The following TBC1D5 variants were observed in gnomAD, a reference collection of about 807,000 sequenced individuals.
TBC1D5 encodes TBC1 domain family member 5.
A neutral mutation model predicts 100.3 loss-of-function variants in TBC1D5; 75 were observed. That is an observed-to-expected ratio of 0.75 (90% confidence interval 0.62 to 0.91). The LOEUF is 0.91. Among genes scored for constraint, TBC1D5 ranks in the 40% least tolerant of loss-of-function variants. The probability of loss-of-function intolerance (pLI) is 0.00; values close to 1 mark genes in which losing one functional copy is unlikely to be tolerated. For synonymous variants in TBC1D5, 323 were observed against 325.6 expected (o/e 0.99, Z 0.09); for missense variants, 910 against 942.4 (o/e 0.97, Z 0.45).
chr3:17,698,800 T>C (rs1384803068), intron 1 of TBC1D5, among the ~76,000 whole-genome samples: 6 of 147,602 alleles, frequency 4.1e-5, no homozygotes, highest in Non-Finnish European at 8.9e-5. Flanking sequence ...AAAATGCTCA[T>C]CATCACTGGC....
At chr3:17,285,418 G>A (rs1307129044) in intron 15 of TBC1D5, among the ~76,000 whole-genome samples, 3 of 150,826 alleles carry the variant, frequency 2.0e-5, no homozygotes, top group African/African-American at 2.4e-5. Flanking sequence ...CCGCTACCAC[G>A]CCCGGCTAAT....
At chr3:17,272,069 T>C (rs1017159669) in intron 15 of TBC1D5, among the ~76,000 whole-genome samples, 5 of 145,120 alleles carry the variant, frequency 3.4e-5, no homozygotes, top group African/African-American at 1.3e-4. Context: ...TTTACAACAT[T>C]TGTGTTGTTG....
At chr3:17,419,851 A>T (rs956928485) in intron 4 of TBC1D5, among the ~76,000 whole-genome samples, 15 of 151,790 alleles carry the variant, frequency 9.9e-5, no homozygotes, top group African/African-American at 2.4e-4. Flanking sequence ...AATTTTTTTA[A>T]AAATATTTAT....
At chr3:17,253,851 G>A (rs1285271308) in intron 16 of TBC1D5, among the ~76,000 whole-genome samples, 3 of 152,200 alleles carry the variant, frequency 2.0e-5, no homozygotes, top group South Asian at 2.1e-4. Flanking sequence ...TGAACTACAC[G>A]GGTGCACTTA....
chr3:17,296,318 T>C (rs1368545002), intron 14 of TBC1D5, among the ~76,000 whole-genome samples: 2 of 152,232 alleles, frequency 1.3e-5, no homozygotes, highest in Non-Finnish European at 2.9e-5. Flanking sequence ...TGAAAGTGCC[T>C]TGCCAGACAC....
At chr3:17,178,068 T>TTTA (rs2125365794) in intron 19 of TBC1D5, among the ~76,000 whole-genome samples, 1 of 146,200 alleles carries the variant, frequency 6.8e-6, no homozygotes, top group Non-Finnish European at 1.5e-5. Context: ...TAGTGCTCCT[T>TTTA]TTTTTTTTTT....
intron 3 of TBC1D5, among the ~76,000 whole-genome samples, chr3:17,451,497 A>G (rs1052621504): frequency 6.6e-6 from 1 of 152,182 alleles, no homozygotes; most frequent in Non-Finnish European, 1.5e-5. Flanking sequence ...AAAAGTCAGG[A>G]AACAACAGAT....
chr3:17,381,081 A>T (rs909114044), intron 9 of TBC1D5, among the ~76,000 whole-genome samples: 1 of 152,116 alleles, frequency 6.6e-6, no homozygotes, highest in African/African-American at 2.4e-5. Context: ...GGGAGTAATT[A>T]AATATTTTAA....
chr3:17,394,737 T>C (rs1205524448), intron 8 of TBC1D5, among the ~76,000 whole-genome samples: 2 of 152,084 alleles, frequency 1.3e-5, no homozygotes, highest in African/African-American at 4.8e-5. Flanking sequence ...ATTTGCTGAA[T>C]GGACAAATAT....
At chr3:17,450,549 T>C (rs1056452757) in intron 3 of TBC1D5, among the ~76,000 whole-genome samples, 13 of 152,208 alleles carry the variant, frequency 8.5e-5, no homozygotes, top group Non-Finnish European at 1.6e-4. Context: ...AATGACCCGA[T>C]AGAGCTAAAA....
At chr3:17,603,415 T>C (rs1377012679) in intron 2 of TBC1D5, among the ~76,000 whole-genome samples, 1 of 152,164 alleles carries the variant, frequency 6.6e-6, no homozygotes, top group South Asian at 2.1e-4. Context: ...CTTAAGGTTC[T>C]TATACATTAG....
intron 2 of TBC1D5, among the ~76,000 whole-genome samples, chr3:17,542,340 A>G (rs928794498): frequency 3.9e-5 from 6 of 152,208 alleles, no homozygotes; most frequent in African/African-American, 1.4e-4. Context: ...TTAGAATAAG[A>G]TATGTGAATG....
At chr3:17,430,910 T>C (rs1196931945) in intron 3 of TBC1D5, among the ~76,000 whole-genome samples, 1 of 151,812 alleles carries the variant, frequency 6.6e-6, no homozygotes, top group Non-Finnish European at 1.5e-5. Flanking sequence ...TACCAGTAAC[T>C]AGGAGAAATC....
At chr3:17,580,809 A>T (rs1245086716) in intron 2 of TBC1D5, among the ~76,000 whole-genome samples, 2 of 152,118 alleles carry the variant, frequency 1.3e-5, no homozygotes, top group Admixed American at 6.5e-5. Context: ...TGAAAGACCA[A>T]TGAGTTTTCC....
intron 18 of TBC1D5, among the ~76,000 whole-genome samples, chr3:17,202,873 T>C (rs966551661): frequency 1.3e-5 from 2 of 152,176 alleles, no homozygotes; most frequent in African/African-American, 4.8e-5. Context: ...AAGTTGGCTA[T>C]AGGGCTGAGC....
intron 1 of TBC1D5, among the ~76,000 whole-genome samples, chr3:17,649,332 G>A (rs2065311842): frequency 6.6e-6 from 1 of 152,106 alleles, no homozygotes; most frequent in African/African-American, 2.4e-5. Flanking sequence ...GGTGGAGGCT[G>A]AGATGAGGGA....
At chr3:17,180,401 A>C (rs952193397) in intron 19 of TBC1D5, among the ~76,000 whole-genome samples, 2 of 152,188 alleles carry the variant, frequency 1.3e-5, no homozygotes, top group Admixed American at 6.5e-5. Context: ...TTTTCTCTAC[A>C]TTTGTTCTGC....
chr3:17,281,444 T>C (rs1031291953), intron 15 of TBC1D5, among the ~76,000 whole-genome samples: 1 of 152,220 alleles, frequency 6.6e-6, no homozygotes, highest in Non-Finnish European at 1.5e-5. Context: ...AAAAACCTCC[T>C]TCATAGTGCC....
rs186664817 is a variant in TBC1D5 at position 17,497,962 on chromosome 3, C to T, written c.97+10512G>A. Among the ~76,000 whole-genome samples, 466 of 151,928 alleles carry T rather than the reference C, an allele frequency of 3.1e-3. 4 individuals carry two copies. The highest frequency in any genetic ancestry group is 0.011 in the African/African-American group (440 of 41,464). On this transcript the variant is annotated intron_variant, in intron 3 of 21. Transcript: ENST00000253692. Reference sequence around the variant, plus strand: ...ATAGTCACTGTAATTTATAGGAATACAAAAATTATCAAGTGGTAGAATATC... The same window carrying T: ...ATAGTCACTGTAATTTATAGGAATATAAAAATTATCAAGTGGTAGAATATC...
Sources: allele counts gnomAD v4.1 joint callset (sites outside exome capture counted in the v4.1 genomes callset), GRCh38; gene constraint gnomAD v4.1.1; transcripts MANE v1.5; gene names NCBI Gene and HGNC (gene_info 2026-07-23, HGNC 2026-07-21).